Variants in AK8 observed in about 807,000 individuals in gnomAD.
The protein encoded by AK8 is adenylate kinase 8, also known as ATP-AMP transphosphorylase 8.
A neutral mutation model predicts 54.6 loss-of-function variants in AK8; 44 were observed. That is an observed-to-expected ratio of 0.81 (90% CI 0.63 to 1.04). AK8 has a LOEUF of 1.04. AK8 is among the 50% of genes least tolerant of loss of function. AK8 has a pLI of 0.00. For synonymous variants in AK8, 239 were observed against 245.6 expected (o/e 0.97, Z 0.25); for missense variants, 555 against 613.6 (o/e 0.90, Z 1.01).
At chr9:132,805,174 G>T (rs1450718971) in intron 10 of AK8, among the ~76,000 whole-genome samples, 1 of 152,322 alleles carries the variant, frequency 6.6e-6, no homozygotes, top group Non-Finnish European at 1.5e-5. Flanking sequence ...CTCTGAAGCC[G>T]CTGGGGCTGC....
At chr9:132,782,649 A>G (rs1357325081) in intron 11 of AK8, among the ~76,000 whole-genome samples, 2 of 152,040 alleles carry the variant, frequency 1.3e-5, no homozygotes, top group African/African-American at 2.4e-5. Context: ...AGATCGTGCC[A>G]TTGCACTCCA....
At chr9:132,767,325 T>A (rs1396253724) in intron 11 of AK8, among the ~76,000 whole-genome samples, 1 of 151,966 alleles carries the variant, frequency 6.6e-6, no homozygotes, top group Non-Finnish European at 1.5e-5. Context: ...CAAAAGAAGA[T>A]ATACGAATGG....
rs1433452390 is a variant in AK8, at chr9:132,790,432, T to C, written c.1121+2202A>G. 1.3e-5 allele frequency among the ~76,000 whole-genome samples: 2 copies of C among 152,144 alleles called. No individual in the cohort carries two copies. The highest frequency in any genetic ancestry group is 4.8e-5 in the African/African-American group (2 of 41,430). ...CGTCCAGCTAATTTTTTGTATTTTTTAGTAGAGACGGGTTTCACCATGTTA... is the reference window on the plus strand; with the variant it reads ...CGTCCAGCTAATTTTTTGTATTTTTCAGTAGAGACGGGTTTCACCATGTTA... On this transcript the variant is annotated intron_variant, in intron 11 of 12. Transcript: ENST00000298545. The surrounding 1 kb of genome is among the most constrained non-coding windows in gnomAD (Gnocchi z 4.1).
intron 10 of AK8, among the ~76,000 whole-genome samples, 169 bp from the exon 11 acceptor site, chr9:132,792,944 C>T (rs1036885484): frequency 2.0e-5 from 3 of 152,212 alleles, no homozygotes; most frequent in Non-Finnish European, 2.9e-5. Context: ...GGTCCCTCCT[C>T]GGTCCCAGCA....
intron 9 of AK8, among the ~76,000 whole-genome samples, chr9:132,819,325 T>G (rs1841474432): frequency 6.6e-6 from 1 of 152,208 alleles, no homozygotes; most frequent in Non-Finnish European, 1.5e-5. Flanking sequence ...AGAATGTATG[T>G]AGGTTATATG....
At position 132,785,875 on chromosome 9, in the gene AK8, C is replaced by A. The variant is rs114704920; in HGVS notation, c.1121+6759G>T. On this transcript the variant is annotated intron_variant, in intron 11 of 12. Transcript: ENST00000298545. ...GAACATGCAAATGTAACAAAGAAAT[C>A]AGAGTTTGAATTCCAGATAAAAATG... Among the ~76,000 whole-genome samples, 356 of 152,312 alleles carry A rather than the reference C, an allele frequency of 2.3e-3. 4 individuals carry two copies. Among genetic ancestry groups the A allele is most frequent in the African/African-American group, 8.4e-3 (349 of 41,546 alleles).
At chr9:132,783,016 T>G (rs529563081) in intron 11 of AK8, among the ~76,000 whole-genome samples, 1 of 152,344 alleles carries the variant, frequency 6.6e-6, no homozygotes, top group East Asian at 1.9e-4. Context: ...GTTCACCTCT[T>G]AATTCCCAGA....
chr9:132,851,894 G>C (rs187350425), intron 5 of AK8, among the ~76,000 whole-genome samples: 20 of 152,330 alleles, frequency 1.3e-4, no homozygotes, highest in Admixed American at 1.2e-3. Context: ...AGCGCAGGGA[G>C]AACCAGGAAC....
rs1841891213 is a variant in AK8, at chr9:132,826,894, G to A, written c.717C>T (p.Val239=). The A allele has an allele frequency of 6.2e-7, 1 of 1,614,124 alleles. No individual in the cohort carries two copies. The highest frequency in any genetic ancestry group is 8.5e-7 in the Non-Finnish European group (1 of 1,180,062). Reference sequence around the variant, plus strand: ...CCACACATGGCTGGTCAGCACTGATGACTTTGAGGATTTTGGGGTAGGAGG... The same window carrying A: ...CCACACATGGCTGGTCAGCACTGATAACTTTGAGGATTTTGGGGTAGGAGG... The part of the protein sequence containing the change: ...VIPSYPKILK[V]ISADQPCVDV... The change falls in exon 8 of 13, where the codon GTC becomes GTT. Residue 239 remains valine, a synonymous_variant. Transcript: ENST00000298545. The surrounding 1 kb of genome is among the most constrained non-coding windows in gnomAD (Gnocchi z 4.5).
chr9:132,828,956 T>C (rs1386956746), intron 5 of AK8, among the ~76,000 whole-genome samples: 1 of 151,982 alleles, frequency 6.6e-6, no homozygotes, highest in Non-Finnish European at 1.5e-5. Context: ...TTTTACATCT[T>C]GATTTTTTTT....
intron 5 of AK8, among the ~76,000 whole-genome samples, chr9:132,842,424 A>G (rs978375337): frequency 6.6e-6 from 1 of 152,098 alleles, no homozygotes; most frequent in African/African-American, 2.4e-5. Flanking sequence ...TCCTACTCCT[A>G]ACTATGACAG....
intron 10 of AK8, among the ~76,000 whole-genome samples, chr9:132,812,237 T>TG (rs1227396077): frequency 7.0e-6 from 1 of 142,600 alleles, no homozygotes; most frequent in African/African-American, 2.7e-5. Context: ...GCTTTTTTTT[T>TG]TTTTTTTTTT....
chr9:132,833,956 G>C (rs956569773), intron 5 of AK8, among the ~76,000 whole-genome samples: 1 of 152,240 alleles, frequency 6.6e-6, no homozygotes, highest in Non-Finnish European at 1.5e-5. Context: ...CCCAGGACCA[G>C]AGCGTGGGGC....
At chr9:132,746,524 T>C (rs774325549) in intron 11 of AK8, among the ~76,000 whole-genome samples, 10 of 152,232 alleles carry the variant, frequency 6.6e-5, no homozygotes, top group Admixed American at 1.3e-4. Context: ...GAGGCTGATA[T>C]GTGATAATCA....
At chr9:132,732,031 G>A (rs1045604461) in intron 11 of AK8, among the ~76,000 whole-genome samples, 2 of 152,092 alleles carry the variant, frequency 1.3e-5, no homozygotes, top group Admixed American at 1.3e-4. Flanking sequence ...GCTCAAAACT[G>A]TAATACCCGT....
At chr9:132,777,956 C>T (rs541191487) in intron 11 of AK8, among the ~76,000 whole-genome samples, 152 of 152,356 alleles carry the variant, frequency 1.0e-3, no homozygotes, top group Non-Finnish European at 1.7e-3. Flanking sequence ...AGGCAAAAAC[C>T]TCAATCCCCA....
intron 11 of AK8, among the ~76,000 whole-genome samples, chr9:132,743,712 T>C (rs1473341012): frequency 6.6e-6 from 1 of 152,218 alleles, no homozygotes; most frequent in Non-Finnish European, 1.5e-5. Flanking sequence ...TTATTGATAT[T>C]TCCTACCTGC....
intron 5 of AK8, among the ~76,000 whole-genome samples, chr9:132,854,584 C>T (rs1843103114): frequency 1.3e-5 from 2 of 152,256 alleles, no homozygotes; most frequent in South Asian, 2.1e-4. Flanking sequence ...CATGCTTCTG[C>T]GATTGTCCTG....
Position 132,765,324 on chromosome 9 carries a change from C to T in AK8, c.1121+27310G>A, listed in dbSNP as rs1443308261. Among the ~76,000 whole-genome samples the T allele has an allele frequency of 2.4e-5, 3 of 124,556 alleles. No homozygotes were observed. The Admixed American group carries it at 2.5e-4, about 10-fold the overall frequency. The allele number at this position is 124,556 out of a possible 152,430, so 81.7% of individuals were successfully genotyped here. On this transcript the variant is annotated intron_variant, in intron 11 of 12. Transcript: ENST00000298545. Reference sequence around the variant, plus strand: ...AAAAAAAAAAAAAAAAGAGAATTCACCATAATCATGTGGTGCATCTCAGGG... The same window carrying T: ...AAAAAAAAAAAAAAAAGAGAATTCATCATAATCATGTGGTGCATCTCAGGG...
Sources: gnomAD v4.1 joint callset for allele counts (sites outside exome capture counted in the v4.1 genomes callset) on GRCh38, gnomAD v4.1.1 for gene constraint, Gnocchi (gnomAD v3.1) non-coding constraint, MANE v1.5 for transcripts, NCBI Gene and HGNC (gene_info 2026-07-23, HGNC 2026-07-21) for gene names.